Variants in NTRK1 observed in about 807,000 individuals in gnomAD.
The protein encoded by NTRK1 is high affinity nerve growth factor receptor.
Under a neutral mutation model 86.8 loss-of-function variants are expected in NTRK1, and 62 were observed. The observed-to-expected ratio is 0.71, with a 90% confidence interval of 0.58 to 0.88. The LOEUF is 0.88. NTRK1 is among the 40% of genes least tolerant of loss of function. The pLI, the probability that NTRK1 is intolerant of heterozygous loss-of-function variation, is 0.00. For synonymous variants in NTRK1, 469 were observed against 456.6 expected (o/e 1.03, Z -0.35); for missense variants, 967 against 1,078.4 (o/e 0.90, Z 1.45).
intron 1 of NTRK1, among the ~76,000 whole-genome samples, chr1:156,820,419 G>A (rs1654153076): frequency 1.3e-5 from 2 of 152,102 alleles, no homozygotes; most frequent in Admixed American, 6.6e-5. Flanking sequence ...GCTAATTTTT[G>A]TACTTTTTGT....
At chr1:156,870,035 A>G (rs1255315076) in intron 6 of NTRK1, among the ~76,000 whole-genome samples, 2 of 152,234 alleles carry the variant, frequency 1.3e-5, no homozygotes, top group Non-Finnish European at 2.9e-5. Flanking sequence ...AGGGGGCTTC[A>G]GACATGGTGG....
At chr1:156,874,691 C>A (rs2102910707) in intron 10 of NTRK1, 65 bp downstream of exon 10, 1 of 1,503,688 alleles carries the variant, frequency 6.7e-7, no homozygotes, top group Non-Finnish European at 9.1e-7. Context: ...GGCTCATCTG[C>A]ATGTCATTTC....
At chr1:156,875,088 C>T (rs1647818807) in intron 11 of NTRK1, 80 bp downstream of exon 11, 2 of 1,062,254 alleles carry the variant, frequency 1.9e-6, no homozygotes, top group East Asian at 2.4e-5. Context: ...GACTCTGTCT[C>T]TGGGGGGCTG....
At chr1:156,851,293 T>G (rs1655195547) in intron 2 of NTRK1, 1 of 1,614,086 alleles carries the variant, frequency 6.2e-7, no homozygotes. Flanking sequence ...CCCTTACCCA[T>G]CCACCATGGC....
intron 1 of NTRK1, chr1:156,840,451 G>C: frequency 7.3e-6 from 1 of 137,626 alleles, no homozygotes; most frequent in East Asian, 2.1e-4. Context: ...TCCCATACAT[G>C]CATGGAGAGC....
intron 6 of NTRK1, among the ~76,000 whole-genome samples, chr1:156,869,554 C>G (rs144518731): frequency 6.6e-6 from 1 of 152,260 alleles, no homozygotes; most frequent in East Asian, 1.9e-4. Flanking sequence ...CTGGCTCCAG[C>G]TCTCTCACTA....
At chr1:156,823,754 G>T (rs1365657196) in intron 1 of NTRK1, among the ~76,000 whole-genome samples, 2 of 152,186 alleles carry the variant, frequency 1.3e-5, no homozygotes, top group Non-Finnish European at 2.9e-5. Context: ...AGGTGTCCAT[G>T]ATCTTGAGCC....
At chr1:156,862,722 C>T (rs770306262) in intron 1 of NTRK1, among the ~76,000 whole-genome samples, 7 of 152,134 alleles carry the variant, frequency 4.6e-5, no homozygotes, top group South Asian at 2.1e-4. Flanking sequence ...GCTTTGAGCA[C>T]GCTGGCCTGA....
rs1410083 is a variant in NTRK1, at chr1:156,872,005, A to G, written c.850+250A>G. On this transcript the variant is annotated intron_variant, in intron 7 of 16. Coordinates refer to ENST00000524377, the MANE Select transcript of NTRK1 (RefSeq NM_002529.4). ...CGAGCCTTGCTACCTGAGGCCCTCA[A>G]CGCCAGATGCCCGGCTGTTCCCACT... Among the ~76,000 whole-genome samples the G allele has an allele frequency of 2.0e-3, 308 of 152,202 alleles. 6 individuals are homozygous for G. The highest frequency in any genetic ancestry group is 0.018 in the Admixed American group (275 of 15,282).
chr1:156,864,910 T>A, intron 3 of NTRK1, 111 bp downstream of exon 3: 1 of 1,075,354 alleles, frequency 9.3e-7, no homozygotes, highest in Non-Finnish European at 1.4e-6. Flanking sequence ...CCAAGCCTGG[T>A]CAGGGAAGTC....
At chr1:156,820,526 C>T (rs1323425260) in intron 1 of NTRK1, among the ~76,000 whole-genome samples, 1 of 152,172 alleles carries the variant, frequency 6.6e-6, no homozygotes, top group African/African-American at 2.4e-5. Flanking sequence ...AGATTACAGG[C>T]GTGAGCCACC....
chr1:156,846,197 TG>T (rs1483438105), intron 2 of NTRK1: 21 of 1,417,504 alleles, frequency 1.5e-5, no homozygotes, highest in Non-Finnish European at 1.1e-5. Context: ...CCCTCCTTTC[TG>T]GGGTCCAACA....
At chr1:156,851,608 A>G (rs1655210694) in intron 2 of NTRK1, 1 of 1,613,800 alleles carries the variant, frequency 6.2e-7, no homozygotes, top group African/African-American at 1.3e-5. Flanking sequence ...GAAGGGTATG[A>G]CCAGGAGGAG....
At chr1:156,848,498 C>T (rs1382054426) in intron 2 of NTRK1, among the ~76,000 whole-genome samples, 2 of 152,182 alleles carry the variant, frequency 1.3e-5, no homozygotes, top group Non-Finnish European at 2.9e-5. Context: ...TGGTCCCTGG[C>T]GGCCCCTGCT....
At position 156,867,017 on chromosome 1, in the gene NTRK1, T is replaced by G. The variant is rs150773911; in HGVS notation, c.428+39T>G. ...CTTCCAGGGGCAAGAGCACCAAGTG[T>G]GTGTGTGCCTGTGTGCACTTGGGTC... On this transcript the variant is annotated intron_variant, in intron 4 of 16. Coordinates refer to ENST00000524377, the MANE Select transcript of NTRK1 (RefSeq NM_002529.4). 1.0e-4 allele frequency: 165 copies of G among 1,591,570 alleles called. No individual in the cohort carries two copies. The African/African-American group carries it at 1.8e-3, about 17-fold the overall frequency.
rs1347860207 is a variant in NTRK1, at chr1:156,876,030, C to G, written c.1502-50C>G. The G allele has an allele frequency of 2.5e-6, 4 of 1,613,816 alleles. No individual in the cohort carries two copies. The South Asian group carries it at 4.4e-5, about 18-fold the overall frequency. On this transcript the variant is annotated intron_variant, in intron 12 of 16. Transcript: ENST00000524377. ...TGCCAAGACAGTCCCCGCTACAACC[C>G]CAGCCCTCCCAAGACTGGGGCTACC...
intron 1 of NTRK1, among the ~76,000 whole-genome samples, chr1:156,826,269 C>T (rs1654311827): frequency 7.1e-6 from 1 of 141,570 alleles, no homozygotes; most frequent in Non-Finnish European, 1.5e-5. Context: ...GGTTTTGCTA[C>T]GTTGTCCAGG....
In NTRK1 at chr1:156,874,417, G is replaced by A. The variant is rs1647765701; in HGVS notation, c.1195+17G>A. On this transcript the variant is annotated intron_variant, in intron 9 of 16. Coordinates refer to ENST00000524377, the MANE Select transcript of NTRK1 (RefSeq NM_002529.4). ...CGCCGGTGGGTGAGTAGCCCAAGGT[G>A]GAGGGCAGGTTCTGCCTGGTCTCTG... 1 of 1,613,994 alleles carries A rather than the reference G, an allele frequency of 6.2e-7. No individual in the cohort carries two copies. The highest frequency in any genetic ancestry group is 8.5e-7 in the Non-Finnish European group (1 of 1,180,010).
intron 2 of NTRK1, chr1:156,846,028 G>C: frequency 1.9e-6 from 3 of 1,614,114 alleles, no homozygotes; most frequent in Non-Finnish European, 2.5e-6. Flanking sequence ...AGTAGGTGAG[G>C]TTCCCATTGC....
Sources: allele counts gnomAD v4.1 joint callset (sites outside exome capture counted in the v4.1 genomes callset), GRCh38; gene constraint gnomAD v4.1.1; transcripts MANE v1.5; gene names NCBI Gene and HGNC (gene_info 2026-07-23, HGNC 2026-07-21).